AKNA: variants seen among roughly 807,000 people sequenced by gnomAD.
The protein encoded by AKNA is microtubule organization protein AKNA.
In AKNA, 67 loss-of-function variants were observed where a neutral mutation model predicts 138.8. The ratio of observed to expected loss-of-function variants is 0.48; its 90% confidence interval spans 0.40 to 0.59. The LOEUF (loss-of-function observed/expected upper bound fraction) is 0.59, where lower values mean the gene tolerates loss of function less well. Among genes scored for constraint, AKNA ranks in the 20% least tolerant of loss-of-function variants. The pLI is 0.00. For synonymous variants in AKNA, 737 were observed against 754.4 expected, an observed-to-expected ratio of 0.98 and a Z score of 0.38; for missense variants, 1,813 against 1,880.4, an observed-to-expected ratio of 0.96 and a Z score of 0.66.
chr9:114,362,669 T>C, intron 7 of AKNA, 136 bp from the exon 8 acceptor site: 3 of 1,232,228 alleles, frequency 2.4e-6, no homozygotes, highest in Non-Finnish European at 3.2e-6. Context: ...AGATACAGGC[T>C]GAGGTTGAGA....
chr9:114,356,891 T>C lies in AKNA; in HGVS notation c.2818A>G (p.Thr940Ala). ...ETSRVSPLTQ[T>A]PEHRLSHIST... Reference sequence around the variant, plus strand: ...ATGTGGGAGAGCCGGTGCTCTGGAGTCTGGGTGAGGGGTGAAACTCTGCTT... The same window carrying C: ...ATGTGGGAGAGCCGGTGCTCTGGAGCCTGGGTGAGGGGTGAAACTCTGCTT... Residue 940 changes from threonine to alanine, a missense_variant, in exon 13 of 22, where the codon ACT becomes GCT. Physicochemically the swap from Thr to Ala is moderately conservative, Grantham distance 58 (BLOSUM62 0). Transcript: ENST00000374088. The C allele has an allele frequency of 6.4e-7, 1 of 1,561,866 alleles. No homozygotes were observed. Among genetic ancestry groups the C allele is most frequent in the Non-Finnish European group, 8.6e-7 (1 of 1,160,274 alleles).
chr9:114,378,043 C>A (rs1319327445), intron 2 of AKNA, among the ~76,000 whole-genome samples: 1 of 152,218 alleles, frequency 6.6e-6, no homozygotes, highest in Non-Finnish European at 1.5e-5. Context: ...TCTGAAAACT[C>A]ATCCATGTCT....
rs1265010972 is a variant in AKNA at position 114,360,028 on chromosome 9, G to A, written c.2159C>T (p.Pro720Leu). Residue 720 changes from proline (P) to leucine (L), a missense_variant, in exon 10 of 22, where the codon CCC becomes CTC. Transcript: ENST00000374088. ...ATTTAAASTG[P>L]CPLHVNVEVS... ...CTCCACATTTACGTGCAATGGGCAG[G>A]GGCCAGTGCTGGCGGCGGCAGTGGT... 1 of 1,614,210 alleles carries A rather than the reference G, an allele frequency of 6.2e-7. No individual in the cohort carries two copies. The highest frequency in any genetic ancestry group is 1.7e-5 in the Admixed American group (1 of 60,032).
intron 16 of AKNA, 85 bp downstream of exon 16, chr9:114,347,637 CAT>C: frequency 7.4e-7 from 1 of 1,349,034 alleles, no homozygotes; most frequent in Non-Finnish European, 9.8e-7. Flanking sequence ...TGCCTGAGTC[CAT>C]ATGTCTGGGG....
upstream of AKNA, among the ~76,000 whole-genome samples, chr9:114,389,472 C>A (rs1483415911): frequency 6.6e-6 from 1 of 152,188 alleles, no homozygotes; most frequent in African/African-American, 2.4e-5. Context: ...CAAATCCCAG[C>A]CCCATCTCCT....
At chr9:114,356,795 G>A in intron 13 of AKNA, 68 bp downstream of exon 13, 1 of 1,352,938 alleles carries the variant, frequency 7.4e-7, no homozygotes, top group Non-Finnish European at 1.0e-6. Context: ...GGCCATCACA[G>A]GCACTGTGAT....
chr9:114,331,071 T>C (rs994074520), downstream of AKNA, among the ~76,000 whole-genome samples: 2 of 152,034 alleles, frequency 1.3e-5, no homozygotes, highest in African/African-American at 4.8e-5. Context: ...CCTCAAATAG[T>C]TTCCCCAAGG....
At chr9:114,364,984 G>A (rs1832239559) in intron 6 of AKNA, among the ~76,000 whole-genome samples, 1 of 152,234 alleles carries the variant, frequency 6.6e-6, no homozygotes, top group African/African-American at 2.4e-5. Flanking sequence ...AGGCACACGT[G>A]TATGTTCTGA....
At chr9:114,364,652 A>C in intron 6 of AKNA, 33 bp from the exon 7 acceptor site, 1 of 1,608,520 alleles carries the variant, frequency 6.2e-7, no homozygotes, top group Non-Finnish European at 8.5e-7. Flanking sequence ...AATATGCTCC[A>C]TTAATCCAGT....
upstream of AKNA, among the ~76,000 whole-genome samples, chr9:114,396,148 T>C (rs76321563): frequency 0.038 from 5,808 of 152,248 alleles, 116 homozygotes; most frequent in South Asian, 0.06. Context: ...GGAATAACAA[T>C]GGTGACAAAA....
intron 21 of AKNA, among the ~76,000 whole-genome samples, chr9:114,340,396 C>T (rs1037293938): frequency 6.6e-6 from 1 of 152,214 alleles, no homozygotes; most frequent in Non-Finnish European, 1.5e-5. Flanking sequence ...CCTGCACAAT[C>T]CTATCATGTT....
upstream of AKNA, among the ~76,000 whole-genome samples, chr9:114,398,012 CG>C (rs1213172072): frequency 2.6e-5 from 4 of 152,312 alleles, no homozygotes; most frequent in Non-Finnish European, 4.4e-5. This position sits in a 1 kb window ranked among gnomAD's most constrained non-coding sequence, Gnocchi z 4.2. Context: ...CACAGCAACC[CG>C]GGCCACGCCT....
At chr9:114,354,712 CAAAA>C (rs1214629422) in intron 14 of AKNA, among the ~76,000 whole-genome samples, 1 of 66,268 alleles carries the variant, frequency 1.5e-5, no homozygotes, top group Non-Finnish European at 3.7e-5. Context: ...GACTCTGTCT[CAAAA>C]AAAAAAAAAA....
In AKNA at chr9:114,381,143, T is replaced by C. The variant is rs776362736; in HGVS notation, c.191A>G (p.Gln64Arg). The change falls in exon 2 of 22, where the codon CAG (glutamine) becomes CGG (arginine). Residue 64 changes from glutamine (Q) to arginine (R), a missense_variant. By Grantham distance (43) the Gln-to-Arg change is conservative. Transcript: ENST00000374088. Reference protein sequence around the residue: ...ELLEDFRLAQQHLPPLEWDPH... With the variant: ...ELLEDFRLAQRHLPPLEWDPH... Reference sequence around the variant, plus strand: ...GTCCCACTCCAGGGGCGGCAGGTGCTGCTGGGCCAGGCGGAAGTCCTCTAG... The same window carrying C: ...GTCCCACTCCAGGGGCGGCAGGTGCCGCTGGGCCAGGCGGAAGTCCTCTAG... The C allele has an allele frequency of 1.9e-6, 3 of 1,613,502 alleles. No homozygotes were observed. The highest frequency in any genetic ancestry group is 2.5e-6 in the Non-Finnish European group (3 of 1,179,924).
At chr9:114,384,966 C>T (rs58874430) in intron 1 of AKNA, among the ~76,000 whole-genome samples, 149 of 152,334 alleles carry the variant, frequency 9.8e-4, no homozygotes, top group Middle Eastern at 6.8e-3. Flanking sequence ...CCTCCCACCT[C>T]GGCCTCCTGA....
rs1201717972 is a variant in AKNA, at chr9:114,364,742, C to T, written c.1729-123G>A. ...CGTCCTCAGGATGTGGGGTTTCTGC[C>T]AAGCATGGAGACGTGGGTGCTGGGA... On this transcript the variant is annotated intron_variant, in intron 6 of 21. Transcript: ENST00000374088. 4.9e-6 allele frequency: 5 copies of T among 1,026,534 alleles called. No individual in the cohort carries two copies. In the East Asian group the frequency reaches 1.2e-4, roughly 25 times the overall value. The allele number at this position is 1,026,534 out of a possible 1,614,324, so 63.6% of individuals were successfully genotyped here.
chr9:114,348,183 G>C (rs1258561235), intron 15 of AKNA, among the ~76,000 whole-genome samples: 4 of 152,190 alleles, frequency 2.6e-5, no homozygotes, highest in Non-Finnish European at 4.4e-5. Context: ...AGGAACACCA[G>C]TGACAAATTC....
upstream of AKNA, among the ~76,000 whole-genome samples, chr9:114,395,329 A>T (rs891170791): frequency 2.0e-5 from 3 of 152,094 alleles, no homozygotes; most frequent in East Asian, 5.8e-4. Flanking sequence ...CCCCTGGCCA[A>T]CTGCCGCACC....
upstream of AKNA, among the ~76,000 whole-genome samples, chr9:114,390,970 C>A (rs973543442): frequency 6.6e-6 from 1 of 152,242 alleles, no homozygotes; most frequent in Non-Finnish European, 1.5e-5. Context: ...AGGCTCTCAT[C>A]ATCATATCCC....
Sources: allele counts gnomAD v4.1 joint callset (sites outside exome capture counted in the v4.1 genomes callset), GRCh38; gene constraint gnomAD v4.1.1; non-coding constraint Gnocchi (gnomAD v3.1); transcripts MANE v1.5; gene names NCBI Gene and HGNC (gene_info 2026-07-23, HGNC 2026-07-21).